Variants in SCAP observed in about 807,000 individuals in gnomAD.
SCAP encodes the protein SREBF chaperone.
In SCAP, 65 loss-of-function variants were observed where a neutral mutation model predicts 123.6. The ratio of observed to expected loss-of-function variants is 0.53; its 90% CI spans 0.43 to 0.65. SCAP has a LOEUF of 0.65. Ranked by LOEUF, SCAP falls within the 30% of genes least tolerant of loss-of-function variation. The pLI is 0.00. For synonymous variants in SCAP, 740 were observed against 726.3 expected, an observed-to-expected ratio of 1.02 and a Z score of -0.30; for missense variants, 1,398 against 1,712.5, an observed-to-expected ratio of 0.82 and a Z score of 3.24.
chr3:47,414,371 T>C lies in SCAP; in HGVS notation c.3403A>G (p.Ser1135Gly). 6.2e-7 allele frequency: 1 copy of C among 1,612,840 alleles called. No homozygotes were observed. The highest frequency in any genetic ancestry group is 2.2e-5 in the East Asian group (1 of 44,886). Residue 1135 changes from serine to glycine, a missense_variant, in exon 22 of 23, where the codon AGT becomes GGT. By Grantham distance (56) the Ser-to-Gly change is moderately conservative. Transcript: ENST00000265565. Reference protein sequence around the residue: ...VYIDQTMVLASGGQDGAICLW... With the variant: ...VYIDQTMVLAGGGQDGAICLW... ...CAGATGGCCCCATCTTGTCCTCCAC[T>C]GGCCAGCACCATGGTCTGGGGAAAC... is the stretch of plus-strand genomic sequence containing the variant.
chr3:47,416,168 T>C (rs911928370), intron 18 of SCAP, among the ~76,000 whole-genome samples: 1 of 152,050 alleles, frequency 6.6e-6, no homozygotes, highest in Non-Finnish European at 1.5e-5. Flanking sequence ...CAAGGAGCCT[T>C]GGAGGAGGAG....
intron 2 of SCAP, among the ~76,000 whole-genome samples, chr3:47,435,573 C>T (rs1396953664): frequency 2.0e-5 from 3 of 149,850 alleles, no homozygotes; most frequent in South Asian, 2.1e-4. Flanking sequence ...TTAGTGGAGA[C>T]GGGGTTTCAT....
intron 18 of SCAP, among the ~76,000 whole-genome samples, chr3:47,415,879 C>A (rs955420490): frequency 2.0e-5 from 3 of 152,172 alleles, no homozygotes; most frequent in African/African-American, 7.2e-5. Context: ...AAGGAGAGAC[C>A]ACAGTCACCA....
intron 1 of SCAP, among the ~76,000 whole-genome samples, chr3:47,467,681 T>C (rs918440852): frequency 3.3e-5 from 5 of 150,754 alleles, no homozygotes; most frequent in South Asian, 2.1e-4. Context: ...ATATGAAAAA[T>C]TGCTCAACAT....
chr3:47,461,670 C>G (rs912309030), intron 1 of SCAP, among the ~76,000 whole-genome samples: 4 of 152,128 alleles, frequency 2.6e-5, no homozygotes, highest in Admixed American at 6.6e-5. Flanking sequence ...ACTCCCAGCC[C>G]GGGGAACATT....
chr3:47,420,845 C>T lies in SCAP; in HGVS notation c.1345-73G>A. On this transcript the variant is annotated intron_variant, in intron 11 of 22. Coordinates refer to ENST00000265565, the MANE Select transcript of SCAP (RefSeq NM_012235.4). The surrounding 1 kb of genome is among the most constrained non-coding windows in gnomAD (Gnocchi z 5.0). Reference sequence around the variant, plus strand: ...GCTCGCACAGGACCGCTGTCCTGCCCGAGGTCTACACCCTTCTCACCCAGG... The same window carrying T: ...GCTCGCACAGGACCGCTGTCCTGCCTGAGGTCTACACCCTTCTCACCCAGG... 13 of 1,583,880 alleles carry T rather than the reference C, an allele frequency of 8.2e-6. No individual in the cohort carries two copies. The highest frequency in any genetic ancestry group is 7.8e-5 in the South Asian group (7 of 90,126).
chr3:47,443,142 A>G (rs1451425805), intron 1 of SCAP, 51 bp from the exon 2 acceptor site: 2 of 1,387,256 alleles, frequency 1.4e-6, no homozygotes, highest in Non-Finnish European at 1.9e-6. Context: ...GGCTCTGCAC[A>G]CTAGGGCTGC....
intron 6 of SCAP, among the ~76,000 whole-genome samples, 194 bp downstream of exon 6, chr3:47,426,963 C>T (rs1175942936): frequency 1.3e-5 from 2 of 152,162 alleles, no homozygotes; most frequent in African/African-American, 2.4e-5. Context: ...GCTTAACCAG[C>T]TGTCAGGTCA....
intron 10 of SCAP, 177 bp from the exon 11 acceptor site, chr3:47,421,206 G>A (rs987565776): frequency 1.7e-5 from 11 of 632,766 alleles, no homozygotes; most frequent in African/African-American, 5.5e-5. Flanking sequence ...AGCTCACCCC[G>A]TCTCCACCAG....
At chr3:47,429,809 A>G (rs1347547758) in intron 3 of SCAP, among the ~76,000 whole-genome samples, 1 of 152,220 alleles carries the variant, frequency 6.6e-6, no homozygotes, top group Non-Finnish European at 1.5e-5. Flanking sequence ...CTGGCCCGCA[A>G]AGCCTAAATG....
intron 1 of SCAP, among the ~76,000 whole-genome samples, chr3:47,445,243 CTTTTTTTTT>C (rs970206797): frequency 3.6e-5 from 4 of 111,872 alleles, no homozygotes; most frequent in Non-Finnish European, 7.6e-5. Flanking sequence ...GTTTTCAATT[CTTTTTTTTT>C]TTTTTTTTTT....
intron 6 of SCAP, among the ~76,000 whole-genome samples, chr3:47,426,454 T>G (rs1470237299): frequency 6.6e-6 from 1 of 152,140 alleles, no homozygotes; most frequent in Non-Finnish European, 1.5e-5. Context: ...TTTTTTATTT[T>G]TTGAGACAAG....
chr3:47,420,451 T>G lies in SCAP; in HGVS notation c.1563+103A>C. On this transcript the variant is annotated intron_variant, in intron 12 of 22. Transcript: ENST00000265565. The surrounding 1 kb of genome is among the most constrained non-coding windows in gnomAD (Gnocchi z 5.0). Reference sequence around the variant, plus strand: ...CAGGCTTCCAGGGGCCACCAGGGCCTGAGGAATACCCTTTGCCACTCTAAG... The same window carrying G: ...CAGGCTTCCAGGGGCCACCAGGGCCGGAGGAATACCCTTTGCCACTCTAAG... The G allele has an allele frequency of 9.3e-7, 1 of 1,077,898 alleles. No individual in the cohort carries two copies. Among genetic ancestry groups the G allele is most frequent in the Middle Eastern group, 3.1e-4 (1 of 3,184 alleles). The allele number at this position is 1,077,898 out of a possible 1,614,324, so 66.8% of individuals were successfully genotyped here. A position where few individuals can be genotyped will look rare whatever the true frequency, so the allele number is the denominator to read the frequency against.
In SCAP at chr3:47,451,621, A is replaced by C. The variant is rs1274427530; in HGVS notation, c.-98-8530T>G. ...ACCATGTTGCCCAGGCTGGTCTTAA[A>C]CTCTTAGACTCCAGCAATCCTCCTG... is the stretch of plus-strand genomic sequence containing the variant. On this transcript the variant is annotated intron_variant, in intron 1 of 22. Transcript: ENST00000265565. Among the ~76,000 whole-genome samples the C allele has an allele frequency of 1.7e-5, 2 of 121,188 alleles. 1 individual carries two copies. Among genetic ancestry groups the C allele is most frequent in the African/African-American group, 5.7e-5 (2 of 35,308 alleles). 79.5% of individuals were successfully genotyped at this position (121,188 alleles called of 152,430 possible). A position where few individuals can be genotyped will look rare whatever the true frequency, so the allele number is the denominator to read the frequency against.
intron 9 of SCAP, chr3:47,422,738 C>A: frequency 4.0e-6 from 2 of 499,086 alleles, no homozygotes; most frequent in South Asian, 6.5e-5. Flanking sequence ...ACAGCTGCTA[C>A]GGGGAACGGG....
In SCAP at chr3:47,417,703, G is replaced by C; in HGVS notation, c.2571C>G (p.Arg857=). 1 of 1,608,846 alleles carries C rather than the reference G, an allele frequency of 6.2e-7. No individual in the cohort carries two copies. The highest frequency in any genetic ancestry group is 1.7e-4 in the Middle Eastern group (1 of 6,042). Residue 857 remains arginine (R), a synonymous_variant, in exon 17 of 23, where the codon CGC becomes CGG. Coordinates refer to ENST00000265565, the MANE Select transcript of SCAP (RefSeq NM_012235.4). The part of the protein sequence containing the change: ...EPGDSPPLRH[R]PRGPPPPSLF... ...GGGAAGGCGGCGGAGGGCCCCGGGGGCGGTGTCTCAGGGGAGGGCTGTCCC... is the reference window on the plus strand; with the variant it reads ...GGGAAGGCGGCGGAGGGCCCCGGGGCCGGTGTCTCAGGGGAGGGCTGTCCC...
upstream of SCAP, chr3:47,475,965 C>G (rs1708259284): frequency 6.5e-6 from 1 of 152,790 alleles, no homozygotes; most frequent in Non-Finnish European, 1.5e-5. Flanking sequence ...TCACCTCCTA[C>G]CTTTACCCTC....
Position 47,428,573 on chromosome 3 carries a change from G to A in SCAP, c.350C>T (p.Ser117Leu). ...CAGTTGGAATGCCCGGGACAAAGGTGAACGAAATACATCTACTGCCAGGAG... is the reference window on the plus strand; with the variant it reads ...CAGTTGGAATGCCCGGGACAAAGGTAAACGAAATACATCTACTGCCAGGAG... ...KNLLAVDVFR[S>L]PLSRAFQLVE... Residue 117 changes from serine (S) to leucine (L), a missense_variant, in exon 4 of 23, where the codon TCA (serine) becomes TTA (leucine). Physicochemically the swap from Ser to Leu is moderately radical, Grantham distance 145 (BLOSUM62 -2). Coordinates refer to ENST00000265565, the MANE Select transcript of SCAP (RefSeq NM_012235.4). The A allele has an allele frequency of 6.2e-7, 1 of 1,614,182 alleles. No homozygotes were observed. The highest frequency in any genetic ancestry group is 8.5e-7 in the Non-Finnish European group (1 of 1,180,042).
At chr3:47,452,852 CT>C (rs1707275223) in intron 1 of SCAP, among the ~76,000 whole-genome samples, 1 of 151,718 alleles carries the variant, frequency 6.6e-6, no homozygotes, top group African/African-American at 2.4e-5. Context: ...GTTTGGGACA[CT>C]GAGGCAGGAA....
Sources: allele counts gnomAD v4.1 joint callset (sites outside exome capture counted in the v4.1 genomes callset), GRCh38; gene constraint gnomAD v4.1.1; non-coding constraint Gnocchi (gnomAD v3.1); transcripts MANE v1.5; gene names NCBI Gene and HGNC (gene_info 2026-07-23, HGNC 2026-07-21).